ACYP2: variants seen among roughly 807,000 people sequenced by gnomAD.
ACYP2 encodes the protein acylphosphatase 2.
Under a neutral mutation model 11.2 loss-of-function variants are expected in ACYP2, and 12 were observed. That is an observed-to-expected ratio of 1.08 (90% CI 0.69 to 1.74). The LOEUF is 1.74. ACYP2 is among the 40% of genes most tolerant of loss of function. ACYP2 has a pLI of 0.00. For synonymous variants in ACYP2, 43 were observed against 32.2 expected, an observed-to-expected ratio of 1.33 and a Z score of -1.13; for missense variants, 134 against 101.9, an observed-to-expected ratio of 1.31 and a Z score of -1.35.
At position 54,282,493 on chromosome 2, in the gene ACYP2, G is replaced by C. The variant is rs116567484; in HGVS notation, c.405-22195G>C. ...TATTTCTGACCTGGAACAAAGTTCTGCCTGATTTGATCTTAGTTCAGGTCA... is the reference window on the plus strand; with the variant it reads ...TATTTCTGACCTGGAACAAAGTTCTCCCTGATTTGATCTTAGTTCAGGTCA... On this transcript the variant is annotated intron_variant, in intron 6 of 6. Transcript: ENST00000607452. 8.8e-3 allele frequency among the ~76,000 whole-genome samples: 1,341 copies of C among 152,278 alleles called. 18 individuals are homozygous for C. Among genetic ancestry groups the C allele is most frequent in the African/African-American group, 0.031 (1,286 of 41,552 alleles).
At position 54,263,710 on chromosome 2, in the gene ACYP2, T is replaced by C. The variant is rs1687882119; in HGVS notation, c.405-40978T>C. On this transcript the variant is annotated intron_variant, in intron 6 of 6. Coordinates refer to ENST00000607452, the MANE Select transcript of ACYP2 (RefSeq NM_001320586.2). The stretch of plus-strand genomic sequence containing the variant: ...CTCCTTCATTCTTTTCAAATTTTAA[T>C]ATAGTGTATAACTCTTTGCATATGT... 2.0e-5 allele frequency among the ~76,000 whole-genome samples: 3 copies of C among 152,346 alleles called. No homozygotes were observed. In the South Asian group the frequency reaches 6.2e-4, roughly 32 times the overall value.
chr2:54,255,752 C>G, intron 6 of ACYP2: 2 of 1,613,948 alleles, frequency 1.2e-6, no homozygotes, highest in Admixed American at 1.7e-5. Flanking sequence ...GACCTCCCTG[C>G]CCCACAGGTT....
chr2:54,208,782 T>C (rs1685202672), intron 6 of ACYP2, among the ~76,000 whole-genome samples: 1 of 152,100 alleles, frequency 6.6e-6, no homozygotes, highest in African/African-American at 2.4e-5. Context: ...GCATACAGTA[T>C]TACATAATAT....
rs1250430076 is a variant in ACYP2 at position 53,982,872 on chromosome 2, G to GTGTGTGTA, written c.62+9064_62+9065insTGTGTATG. Reference sequence around the variant, plus strand: ...TGTGTGTGTGTGTGTGTGTGTGTGTGTGATATAAATAGGTTCAGGGAGAAC... The same window carrying GTGTGTGTA: ...TGTGTGTGTGTGTGTGTGTGTGTGTGTGTGTGTATGATATAAATAGGTTCAGGGAGAAC... On this transcript the variant is annotated intron_variant, in intron 2 of 6. Coordinates refer to ENST00000607452, the MANE Select transcript of ACYP2 (RefSeq NM_001320586.2). Among the ~76,000 whole-genome samples, 64 of 143,754 alleles carry GTGTGTGTA rather than the reference G, an allele frequency of 4.5e-4. 1 individual carries two copies. The highest frequency in any genetic ancestry group is 3.7e-3 in the Middle Eastern group (1 of 272). 94.3% of individuals were successfully genotyped at this position (143,754 alleles called of 152,430 possible). A position where few individuals can be genotyped will look rare whatever the true frequency, so the allele number is the denominator to read the frequency against.
chr2:54,120,492 T>G (rs1680084350), intron 4 of ACYP2, among the ~76,000 whole-genome samples: 2 of 152,264 alleles, frequency 1.3e-5, no homozygotes. Context: ...TGTGACTATC[T>G]GTTGGTATAC....
chr2:54,099,365 C>T (rs1056697586), intron 4 of ACYP2, among the ~76,000 whole-genome samples: 2 of 152,118 alleles, frequency 1.3e-5, no homozygotes, highest in Non-Finnish European at 1.5e-5. Flanking sequence ...CATGCTATAC[C>T]GTAGATCTTT....
intron 2 of ACYP2, among the ~76,000 whole-genome samples, chr2:54,026,823 G>A (rs560919450): frequency 6.7e-6 from 1 of 148,502 alleles, no homozygotes; most frequent in Non-Finnish European, 1.5e-5. Context: ...ACCAAACATC[G>A]TATGTTCTCA....
intron 2 of ACYP2, among the ~76,000 whole-genome samples, chr2:54,038,310 T>A (rs529427549): frequency 6.6e-6 from 1 of 152,216 alleles, no homozygotes; most frequent in African/African-American, 2.4e-5. Flanking sequence ...TAAGGGTAAG[T>A]TGACCCTTTT....
chr2:54,238,667 A>G (rs72802655), intron 6 of ACYP2, among the ~76,000 whole-genome samples: 9,760 of 152,096 alleles, frequency 0.064, 496 homozygotes, highest in South Asian at 0.2. Context: ...ATGGTCCACA[A>G]ATTTTTAAGA....
Position 54,032,507 on chromosome 2 carries a change from C to T in ACYP2, c.63-18451C>T, listed in dbSNP as rs150528039. Among the ~76,000 whole-genome samples, 777 of 152,300 alleles carry T rather than the reference C, an allele frequency of 5.1e-3. 7 individuals are homozygous for T. Among genetic ancestry groups the T allele is most frequent in the African/African-American group, 0.018 (738 of 41,552 alleles). On this transcript the variant is annotated intron_variant, in intron 2 of 6. Coordinates refer to ENST00000607452, the MANE Select transcript of ACYP2 (RefSeq NM_001320586.2). Reference sequence around the variant, plus strand: ...TATATCTCTGTTTTGGTACCAGTACCATGCTGCTTTGGTTACTGTAGCTTT... The same window carrying T: ...TATATCTCTGTTTTGGTACCAGTACTATGCTGCTTTGGTTACTGTAGCTTT...
intron 2 of ACYP2, among the ~76,000 whole-genome samples, chr2:53,981,785 T>TA (rs1219464794): frequency 6.6e-6 from 1 of 152,148 alleles, no homozygotes; most frequent in Non-Finnish European, 1.5e-5. Context: ...CCAAGGTGTA[T>TA]AATAGGACAC....
At chr2:54,184,172 C>A (rs533997857) in intron 6 of ACYP2, among the ~76,000 whole-genome samples, 21 of 152,078 alleles carry the variant, frequency 1.4e-4, no homozygotes, top group Non-Finnish European at 2.5e-4. Flanking sequence ...TCTCCAAGGC[C>A]ACGGTAATAC....
chr2:54,027,016 A>T (rs1674322550), intron 2 of ACYP2, among the ~76,000 whole-genome samples: 1 of 152,206 alleles, frequency 6.6e-6, no homozygotes, highest in Non-Finnish European at 1.5e-5. Context: ...AGAACTTACC[A>T]TGTAACCAAA....
At chr2:54,225,553 G>A (rs1188031408) in intron 6 of ACYP2, among the ~76,000 whole-genome samples, 1 of 152,022 alleles carries the variant, frequency 6.6e-6, no homozygotes, top group African/African-American at 2.4e-5. Flanking sequence ...TTATTGTCAC[G>A]ATGAAGTTCT....
At chr2:54,254,621 T>G in intron 6 of ACYP2, 1 of 284,870 alleles carries the variant, frequency 3.5e-6, no homozygotes, top group Non-Finnish European at 6.5e-6. Flanking sequence ...ACAAACCGAG[T>G]CCAAACAAAG....
At chr2:54,129,683 A>C (rs1233366963) in intron 4 of ACYP2, among the ~76,000 whole-genome samples, 1 of 149,604 alleles carries the variant, frequency 6.7e-6, no homozygotes, top group Non-Finnish European at 1.5e-5. Context: ...TTATATATTC[A>C]GTCATTATAT....
intron 2 of ACYP2, among the ~76,000 whole-genome samples, chr2:54,008,265 A>G (rs1302692297): frequency 6.6e-6 from 1 of 152,200 alleles, no homozygotes; most frequent in East Asian, 1.9e-4. Flanking sequence ...CTCTAAATTT[A>G]TATAGCTCCT....
chr2:54,019,154 C>G (rs554260870), intron 2 of ACYP2, among the ~76,000 whole-genome samples: 6 of 151,870 alleles, frequency 4.0e-5, no homozygotes, highest in Admixed American at 2.6e-4. Context: ...GCAGCTTCAA[C>G]CTCCTGGGCT....
chr2:54,195,404 TTAAG>T (rs1684420950), intron 6 of ACYP2, among the ~76,000 whole-genome samples: 2 of 152,304 alleles, frequency 1.3e-5, no homozygotes, highest in East Asian at 1.9e-4. Flanking sequence ...ATTTAATCCC[TTAAG>T]TAAGTGTCAC....
Sources: gnomAD v4.1 joint callset for allele counts (sites outside exome capture counted in the v4.1 genomes callset) on GRCh38, gnomAD v4.1.1 for gene constraint, MANE v1.5 for transcripts, NCBI Gene and HGNC (gene_info 2026-07-23, HGNC 2026-07-21) for gene names.